The following PLAC8L1 variants were observed in gnomAD, a reference collection of about 807,000 sequenced individuals.
PLAC8L1 encodes the protein PLAC8 like 1, also known as PLAC8-like protein 1.
A neutral mutation model predicts 16.3 loss-of-function variants in PLAC8L1; 13 were observed. The observed-to-expected ratio is 0.80, with a 90% CI of 0.52 to 1.27. The LOEUF (loss-of-function observed/expected upper bound fraction) is 1.27, where lower values mean the gene tolerates loss of function less well. Ranked by LOEUF, PLAC8L1 falls within the 50% of genes most tolerant of loss-of-function variation. The pLI, the probability that PLAC8L1 is intolerant of heterozygous loss-of-function variation, is 0.00. For synonymous variants in PLAC8L1, 78 were observed against 79.3 expected (o/e 0.98, Z 0.09); for missense variants, 184 against 220.2 (o/e 0.84, Z 1.04).
At chr5:146,101,916 T>C (rs957084369) in intron 1 of PLAC8L1, among the ~76,000 whole-genome samples, 1 of 152,190 alleles carries the variant, frequency 6.6e-6, no homozygotes, top group African/African-American at 2.4e-5. Context: ...TCTAACTCAG[T>C]ATTATGTGCG....
chr5:146,100,846 C>T (rs1035101289), intron 1 of PLAC8L1, among the ~76,000 whole-genome samples: 2 of 152,108 alleles, frequency 1.3e-5, no homozygotes, highest in African/African-American at 4.8e-5. Flanking sequence ...GGAGACAGGG[C>T]ACTTAGGAAG....
chr5:146,095,017 A>C (rs949808905), intron 2 of PLAC8L1, among the ~76,000 whole-genome samples: 3 of 152,230 alleles, frequency 2.0e-5, no homozygotes, highest in Non-Finnish European at 4.4e-5. Flanking sequence ...ATCCCCAATT[A>C]AAAGTCTTTC....
chr5:146,104,230 T>C lies in PLAC8L1; in HGVS notation c.82A>G (p.Met28Val), dbSNP rs201303307. 1 of 1,613,858 alleles carries C rather than the reference T, an allele frequency of 6.2e-7. No homozygotes were observed. Among genetic ancestry groups the C allele is most frequent in the Non-Finnish European group, 8.5e-7 (1 of 1,179,816 alleles). The change falls in exon 1 of 4, where the codon ATG becomes GTG. Residue 28 changes from methionine (M) to valine (V), a missense_variant. Coordinates refer to ENST00000311450, the MANE Select transcript of PLAC8L1 (RefSeq NM_001029869.3). Reference protein sequence around the residue: ...LNIYSPLLSHMSSEDEHFISN... With the variant: ...LNIYSPLLSHVSSEDEHFISN... ...ATAAAATGTTCATCTTCAGATGACATGTGTGACAACAGAGGTGAGTATATG... is the reference window on the plus strand; with the variant it reads ...ATAAAATGTTCATCTTCAGATGACACGTGTGACAACAGAGGTGAGTATATG...
At chr5:146,101,325 T>C (rs1002714810) in intron 1 of PLAC8L1, among the ~76,000 whole-genome samples, 10 of 152,026 alleles carry the variant, frequency 6.6e-5, no homozygotes, top group African/African-American at 1.2e-4. Flanking sequence ...CAGAGCCCAA[T>C]TGGGCTGGCA....
intron 2 of PLAC8L1, among the ~76,000 whole-genome samples, chr5:146,091,055 G>GAA (rs370887483): frequency 0.016 from 2,383 of 148,002 alleles, 58 homozygotes; most frequent in African/African-American, 0.051. Flanking sequence ...ACTCTGTCTC[G>GAA]AAAAAAAAAA....
At chr5:146,103,682 A>G (rs978033273) in intron 1 of PLAC8L1, 1 of 985,384 alleles carries the variant, frequency 1.0e-6, no homozygotes, top group Non-Finnish European at 1.2e-6. Context: ...GATGAGATAC[A>G]TACTTTTCCC....
At chr5:146,099,652 C>G (rs1210071213) in intron 1 of PLAC8L1, among the ~76,000 whole-genome samples, 1 of 126,780 alleles carries the variant, frequency 7.9e-6, no homozygotes, top group African/African-American at 2.8e-5. Context: ...GAGCAAGACT[C>G]CGTCTCAAAA....
chr5:146,085,665 A>G, intron 2 of PLAC8L1, 68 bp from the exon 3 acceptor site: 1 of 1,531,920 alleles, frequency 6.5e-7, no homozygotes, highest in Admixed American at 1.8e-5. Context: ...ATCTCAAAGA[A>G]TATTTACAAC....
intron 1 of PLAC8L1, chr5:146,103,799 A>G (rs922745077): frequency 1.0e-6 from 1 of 985,246 alleles, no homozygotes; most frequent in Admixed American, 6.1e-5. Flanking sequence ...CTCTTCCGTA[A>G]TCACACTTGG....
chr5:146,092,535 AT>A (rs35101919), intron 2 of PLAC8L1, among the ~76,000 whole-genome samples: 4,723 of 100,342 alleles, frequency 0.047, 94 homozygotes, highest in African/African-American at 0.15. Flanking sequence ...ATCTTTGCAG[AT>A]TTTTTTTTTT....
intron 1 of PLAC8L1, among the ~76,000 whole-genome samples, chr5:146,102,955 C>T (rs1479203965): frequency 1.3e-5 from 2 of 152,106 alleles, no homozygotes; most frequent in Admixed American, 6.5e-5. Context: ...CCTGTGTATG[C>T]TCTAGGGCAT....
Sources: gnomAD v4.1 joint callset for allele counts (sites outside exome capture counted in the v4.1 genomes callset) on GRCh38, gnomAD v4.1.1 for gene constraint, MANE v1.5 for transcripts, NCBI Gene and HGNC (gene_info 2026-07-23, HGNC 2026-07-21) for gene names.